ABCB7: variants seen among roughly 807,000 people sequenced by gnomAD.
ABCB7 encodes the protein ATP binding cassette subfamily B member 7.
ABCB7 carries 7 observed loss-of-function variants against 54.4 expected under a neutral mutation model. The observed-to-expected ratio is 0.13, with a 90% confidence interval of 0.07 to 0.24. The LOEUF is 0.24. Among genes scored for constraint, ABCB7 ranks in the 10% least tolerant of loss-of-function variants. The probability of loss-of-function intolerance (pLI) is 1.00; values close to 1 mark genes in which losing one functional copy is unlikely to be tolerated. For missense variants in ABCB7, 356 were observed against 570.4 expected (o/e 0.62, Z 3.83); for synonymous variants, 218 against 207.1 (o/e 1.05, Z -0.45).
At chrX:75,082,817 T>C (rs192119588) in intron 4 of ABCB7, among the ~76,000 whole-genome samples, 4 of 111,338 alleles carry the variant, frequency 3.6e-5, no homozygotes, top group Admixed American at 1.9e-4. Flanking sequence ...TACAAAATTA[T>C]ATAAAGAGAT....
chrX:75,113,121 C>T lies in ABCB7; in HGVS notation c.247-149G>A, dbSNP rs192704452. The T allele has an allele frequency of 3.4e-3, 1,579 of 466,762 alleles. 4 individuals are homozygous for T. Among genetic ancestry groups the T allele is most frequent in the Non-Finnish European group, 4.7e-3 (1,243 of 265,181 alleles). The allele number at this position is 466,762 out of a possible 1,213,427, so 38.5% of individuals were successfully genotyped here. ...TCTGGCATAGTAAAGCAAAACACCT[C>T]CACAATTAACTTATAGCTAAATTTA... On this transcript the variant is annotated intron_variant, in intron 2 of 15. Coordinates refer to ENST00000373394, the MANE Select transcript of ABCB7 (RefSeq NM_001271696.3).
intron 1 of ABCB7, among the ~76,000 whole-genome samples, chrX:75,118,637 G>C (rs2081845397): frequency 9.0e-6 from 1 of 111,288 alleles, no homozygotes; most frequent in Admixed American, 9.6e-5. Context: ...TACTTTTGGG[G>C]GGGTGACAGA....
At chrX:75,108,628 G>C (rs1402803827) in intron 3 of ABCB7, among the ~76,000 whole-genome samples, 1 of 106,211 alleles carries the variant, frequency 9.4e-6, no homozygotes, top group African/African-American at 3.4e-5. Context: ...AATTCAGATA[G>C]AGTCACTAAG....
intron 9 of ABCB7, among the ~76,000 whole-genome samples, chrX:75,070,754 A>T (rs751777750): frequency 1.8e-5 from 2 of 111,174 alleles, no homozygotes; most frequent in Non-Finnish European, 3.8e-5. Context: ...ATAAAAAAGA[A>T]TGGTTTAAGT....
At chrX:75,084,182 GCA>G (rs2081478070) in intron 4 of ABCB7, among the ~76,000 whole-genome samples, 1 of 111,622 alleles carries the variant, frequency 9.0e-6, no homozygotes, top group Non-Finnish European at 1.9e-5. Flanking sequence ...TCTGGAGGGA[GCA>G]CAGCCATGCC....
At chrX:75,065,932 T>C (rs1297624655) in intron 12 of ABCB7, among the ~76,000 whole-genome samples, 1 of 111,852 alleles carries the variant, frequency 8.9e-6, no homozygotes, top group East Asian at 2.8e-4. Context: ...TTAATAATTT[T>C]TAGGTGTTGC....
chrX:75,112,560 A>G (rs1306259254), intron 3 of ABCB7, among the ~76,000 whole-genome samples: 3 of 111,700 alleles, frequency 2.7e-5, no homozygotes, highest in African/African-American at 9.8e-5. Context: ...ACACGCACAC[A>G]CACAAATTGT....
intron 4 of ABCB7, among the ~76,000 whole-genome samples, chrX:75,086,775 C>A (rs771480002): frequency 9.0e-6 from 1 of 111,395 alleles, no homozygotes; most frequent in Non-Finnish European, 1.9e-5. Context: ...GCACTGGTCA[C>A]GAGGCCCCAC....
intron 1 of ABCB7, among the ~76,000 whole-genome samples, chrX:75,138,041 TA>T (rs752216438): frequency 8.9e-5 from 10 of 111,755 alleles, no homozygotes; most frequent in Non-Finnish European, 1.9e-4. Context: ...AAGAAAAAAA[TA>T]AAAACATCTT....
intron 4 of ABCB7, among the ~76,000 whole-genome samples, chrX:75,080,843 GTTGAGTT>G (rs2081449883): frequency 9.0e-6 from 1 of 111,685 alleles, no homozygotes; most frequent in Non-Finnish European, 1.9e-5. Context: ...TTTTTCTGCT[GTTGAGTT>G]TTAAGAGTTC....
chrX:75,115,271 A>G (rs1219656862), intron 1 of ABCB7, among the ~76,000 whole-genome samples: 1 of 95,603 alleles, frequency 1.0e-5, no homozygotes, highest in African/African-American at 3.6e-5. Flanking sequence ...TGTCTCAAAA[A>G]AAAAAAAAAA....
intron 3 of ABCB7, among the ~76,000 whole-genome samples, chrX:75,109,089 T>G (rs925392413): frequency 8.9e-6 from 1 of 111,756 alleles, no homozygotes; most frequent in Non-Finnish European, 1.9e-5. Context: ...CAAATAAAAC[T>G]GGAAGTACCA....
intron 1 of ABCB7, among the ~76,000 whole-genome samples, chrX:75,131,810 A>T (rs1449522680): frequency 9.0e-6 from 1 of 111,679 alleles, no homozygotes; most frequent in Non-Finnish European, 1.9e-5. Flanking sequence ...CCCACAGCAC[A>T]ACCACCCTGA....
At chrX:75,088,913 A>G (rs1221764981) in intron 4 of ABCB7, among the ~76,000 whole-genome samples, 1 of 110,347 alleles carries the variant, frequency 9.1e-6, no homozygotes, top group Non-Finnish European at 1.9e-5. Context: ...CTGGCATATC[A>G]TATTCAAACT....
chrX:75,127,257 C>T (rs1339781696), intron 1 of ABCB7, among the ~76,000 whole-genome samples: 7 of 111,438 alleles, frequency 6.3e-5, no homozygotes, highest in South Asian at 3.8e-4. Context: ...GTTCAATATA[C>T]GCAAATCAGT....
chrX:75,105,348 A>T (rs894413499), intron 3 of ABCB7, among the ~76,000 whole-genome samples: 4 of 111,776 alleles, frequency 3.6e-5, no homozygotes, highest in Non-Finnish European at 5.6e-5. Flanking sequence ...TCAATGTACA[A>T]AAATGAGCAT....
At chrX:75,141,097 C>A (rs1346197878) in intron 1 of ABCB7, among the ~76,000 whole-genome samples, 1 of 111,741 alleles carries the variant, frequency 8.9e-6, no homozygotes, top group Non-Finnish European at 1.9e-5. Context: ...TTTCATTTTT[C>A]TCTAAAAAAG....
chrX:75,145,748 AAG>A (rs2082086076), intron 1 of ABCB7, among the ~76,000 whole-genome samples: 1 of 111,160 alleles, frequency 9.0e-6, no homozygotes, highest in South Asian at 3.8e-4. Flanking sequence ...GCAATCAGGT[AAG>A]AGAAAGAAAT....
At chrX:75,072,861 T>C (rs1000373702) in intron 8 of ABCB7, among the ~76,000 whole-genome samples, 2 of 111,853 alleles carry the variant, frequency 1.8e-5, no homozygotes, top group Non-Finnish European at 3.8e-5. Flanking sequence ...AAAACACACA[T>C]TGTACAGCTG....
Sources: gnomAD v4.1 joint callset for allele counts (sites outside exome capture counted in the v4.1 genomes callset) on GRCh38, gnomAD v4.1.1 for gene constraint, MANE v1.5 for transcripts, NCBI Gene and HGNC (gene_info 2026-07-23, HGNC 2026-07-21) for gene names.